VTI1A: variants seen among roughly 807,000 people sequenced by gnomAD.
The protein encoded by VTI1A is vesicle transport through interaction with t-SNAREs homolog 1A.
Under a neutral mutation model 34.9 loss-of-function variants are expected in VTI1A, and 22 were observed. That is an observed-to-expected ratio of 0.63 (90% CI 0.45 to 0.90). The LOEUF is 0.90. Among genes scored for constraint, VTI1A ranks in the 40% least tolerant of loss-of-function variants. VTI1A has a pLI of 0.00. For missense variants in VTI1A, 268 were observed against 275.6 expected (o/e 0.97, Z 0.20); for synonymous variants, 87 against 97.3 (o/e 0.89, Z 0.62).
chr10:112,517,652 T>C (rs532008535), intron 3 of VTI1A, among the ~76,000 whole-genome samples: 4 of 152,226 alleles, frequency 2.6e-5, no homozygotes, highest in Non-Finnish European at 4.4e-5. Flanking sequence ...AGCTTCGATA[T>C]GATCTGATCA....
the VTI1A span, among the ~76,000 whole-genome samples, chr10:112,837,219 C>T: frequency 6.6e-6 from 1 of 152,144 alleles, no homozygotes; most frequent in Non-Finnish European, 1.5e-5. Flanking sequence ...CCCAGCTACT[C>T]AGGAGGCTGA....
At chr10:112,676,316 C>T (rs566946643) in intron 7 of VTI1A, among the ~76,000 whole-genome samples, 2 of 152,052 alleles carry the variant, frequency 1.3e-5, no homozygotes, top group African/African-American at 2.4e-5. Context: ...TGCTCTGGTG[C>T]GTTCTGAGTA....
chr10:112,644,700 G>C (rs899348018), intron 5 of VTI1A, among the ~76,000 whole-genome samples: 3 of 152,140 alleles, frequency 2.0e-5, no homozygotes, highest in African/African-American at 7.2e-5. Flanking sequence ...GTGTAGTGTA[G>C]TCATTACATT....
At chr10:112,472,838 A>G (rs2134075414) in intron 3 of VTI1A, among the ~76,000 whole-genome samples, 1 of 152,310 alleles carries the variant, frequency 6.6e-6, no homozygotes, top group East Asian at 1.9e-4. Context: ...AGACAGAGCC[A>G]CCTCAGAAAA....
chr10:112,796,342 G>T (rs1381735773), intron 7 of VTI1A, among the ~76,000 whole-genome samples: 2 of 151,244 alleles, frequency 1.3e-5, no homozygotes, highest in Non-Finnish European at 2.9e-5. Context: ...AGAGGCCAAG[G>T]TTGCAGTGAG....
intron 7 of VTI1A, among the ~76,000 whole-genome samples, chr10:112,750,210 G>A (rs554800068): frequency 1.3e-5 from 2 of 151,744 alleles, no homozygotes; most frequent in South Asian, 4.2e-4. Flanking sequence ...GTTTTTTGAG[G>A]TAGGGTCTCA....
Position 112,618,520 on chromosome 10 carries a change from T to TAGAGAGAGAGAGAGAG in VTI1A, c.428-49697_428-49696insGAGAGAGAGAGAGAGA, listed in dbSNP as rs1249234028. On this transcript the variant is annotated intron_variant, in intron 5 of 7. Transcript: ENST00000393077. ...ATATATATATATATATATATATATA[T>TAGAGAGAGAGAGAGAG]ATATAGAGAGAGAGAGAGAGAGAGA... 2.7e-3 allele frequency among the ~76,000 whole-genome samples: 125 copies of TAGAGAGAGAGAGAGAG among 46,148 alleles called. 1 individual carries two copies. The highest frequency in any genetic ancestry group is 3.9e-3 in the African/African-American group (37 of 9,450). The allele number at this position is 46,148 out of a possible 152,430, so 30.3% of individuals were successfully genotyped here.
intron 5 of VTI1A, among the ~76,000 whole-genome samples, chr10:112,559,538 C>T (rs1241563165): frequency 6.6e-6 from 1 of 152,146 alleles, no homozygotes; most frequent in Non-Finnish European, 1.5e-5. Flanking sequence ...CTCCTTCCCA[C>T]TTCAAATGCA....
rs1384411054 is a variant in VTI1A, at chr10:112,774,732, C to A, written c.561-40558C>A. ...GATGAAAGTCACTTGAGTCAATTAA[C>A]TCTTATTACCTGGAAACCATTTAGA... On this transcript the variant is annotated intron_variant, in intron 7 of 7. Transcript: ENST00000393077. Among the ~76,000 whole-genome samples, 5 of 152,068 alleles carry A rather than the reference C, an allele frequency of 3.3e-5. No individual in the cohort carries two copies. The East Asian group carries it at 9.7e-4, about 29-fold the overall frequency.
chr10:112,616,150 G>C (rs1845505998), intron 5 of VTI1A, among the ~76,000 whole-genome samples: 2 of 152,200 alleles, frequency 1.3e-5, no homozygotes, highest in Admixed American at 6.5e-5. Flanking sequence ...AAGAGAAAGA[G>C]AGAAGCAGTG....
chr10:112,837,371 G>A, the VTI1A span, among the ~76,000 whole-genome samples: 1 of 152,144 alleles, frequency 6.6e-6, no homozygotes, highest in Non-Finnish European at 1.5e-5. Context: ...ACTGGAGGAT[G>A]GGTGGTTAAG....
At chr10:112,596,189 C>A (rs1844635563) in intron 5 of VTI1A, among the ~76,000 whole-genome samples, 1 of 151,800 alleles carries the variant, frequency 6.6e-6, no homozygotes, top group African/African-American at 2.4e-5. Context: ...GGAGGGATAG[C>A]ATTAGGAGAT....
intron 7 of VTI1A, among the ~76,000 whole-genome samples, chr10:112,756,583 A>G (rs1206413785): frequency 1.3e-5 from 2 of 152,128 alleles, no homozygotes; most frequent in African/African-American, 2.4e-5. Context: ...CAGAAATACT[A>G]CATATGATGG....
At chr10:112,540,498 A>G (rs1589879401) in intron 5 of VTI1A, among the ~76,000 whole-genome samples, 1 of 152,322 alleles carries the variant, frequency 6.6e-6, no homozygotes, top group East Asian at 1.9e-4. Context: ...GTGGAAGTAA[A>G]GACAGATGTG....
At chr10:112,713,859 G>A (rs534096263) in intron 7 of VTI1A, among the ~76,000 whole-genome samples, 17 of 152,240 alleles carry the variant, frequency 1.1e-4, no homozygotes, top group African/African-American at 3.1e-4. Context: ...TTAACAACCC[G>A]TGTATTTAAG....
At chr10:112,542,331 A>G (rs981974811) in intron 5 of VTI1A, among the ~76,000 whole-genome samples, 6 of 152,176 alleles carry the variant, frequency 3.9e-5, no homozygotes, top group African/African-American at 1.2e-4. Flanking sequence ...TGCACCTGGC[A>G]GTGCATCTCT....
chr10:112,754,995 G>T (rs1014002747), intron 7 of VTI1A, among the ~76,000 whole-genome samples: 5 of 152,318 alleles, frequency 3.3e-5, no homozygotes, highest in Middle Eastern at 3.4e-3. Flanking sequence ...GGTGGCTCAT[G>T]CCTGTAATCC....
intron 7 of VTI1A, among the ~76,000 whole-genome samples, chr10:112,747,947 C>T (rs894575994): frequency 6.6e-6 from 1 of 152,162 alleles, no homozygotes; most frequent in Non-Finnish European, 1.5e-5. Flanking sequence ...AGACAGGGTC[C>T]TGGACGTTGG....
intron 7 of VTI1A, among the ~76,000 whole-genome samples, chr10:112,744,248 C>T (rs1290057616): frequency 1.3e-5 from 2 of 152,140 alleles, no homozygotes; most frequent in Admixed American, 1.3e-4. Flanking sequence ...GAATTAGCTT[C>T]CCTGCCTTAA....
Sources: allele counts gnomAD v4.1 joint callset (sites outside exome capture counted in the v4.1 genomes callset), GRCh38; gene constraint gnomAD v4.1.1; transcripts MANE v1.5; gene names NCBI Gene and HGNC (gene_info 2026-07-23, HGNC 2026-07-21).